The following SENP7 variants were observed in gnomAD, a reference collection of about 807,000 sequenced individuals.
SENP7 encodes the protein SUMO specific peptidase 7, also known as sentrin-specific protease 7.
SENP7 carries 64 observed loss-of-function variants against 141.2 expected under a neutral mutation model. That is an observed-to-expected ratio of 0.45 (90% CI 0.37 to 0.56). The LOEUF (loss-of-function observed/expected upper bound fraction) is 0.56. SENP7 is among the 20% of genes least tolerant of loss of function. The probability of loss-of-function intolerance (pLI) is 0.00; values close to 1 mark genes in which losing one functional copy is unlikely to be tolerated. For missense variants in SENP7, 1,025 were observed against 1,212.2 expected (o/e 0.85, Z 2.29); for synonymous variants, 382 against 426.4 (o/e 0.90, Z 1.28).
chr3:101,345,938 A>C (rs1175864248), intron 13 of SENP7, among the ~76,000 whole-genome samples: 2 of 152,240 alleles, frequency 1.3e-5, no homozygotes, highest in Non-Finnish European at 2.9e-5. Flanking sequence ...TAAACTAAAG[A>C]GCTTTTGCAT....
intron 4 of SENP7, among the ~76,000 whole-genome samples, chr3:101,438,508 C>T (rs1385609292): frequency 1.3e-5 from 2 of 151,860 alleles, no homozygotes; most frequent in Non-Finnish European, 2.9e-5. Context: ...GTTGGCTGCA[C>T]ATTATCAATT....
At chr3:101,373,275 G>C (rs2060230241) in intron 6 of SENP7, among the ~76,000 whole-genome samples, 1 of 152,064 alleles carries the variant, frequency 6.6e-6, no homozygotes, top group African/African-American at 2.4e-5. Context: ...AAGAGGTTCT[G>C]ACTGAGTCAA....
At position 101,361,687 on chromosome 3, in the gene SENP7, AAAAGAAAATT is replaced by A; in HGVS notation, c.1623+18_1623+27del. 2.6e-6 allele frequency: 4 copies of A among 1,511,398 alleles called. No homozygotes were observed. The highest frequency in any genetic ancestry group is 3.5e-6 in the Non-Finnish European group (4 of 1,137,048). The allele number at this position is 1,511,398 out of a possible 1,614,324, so 93.6% of individuals were successfully genotyped here. A position where few individuals can be genotyped will look rare whatever the true frequency, so the allele number is the denominator to read the frequency against. On this transcript the variant is annotated intron_variant, in intron 11 of 23. Coordinates refer to ENST00000394095, the MANE Select transcript of SENP7 (RefSeq NM_020654.5). ...AAATGCCTTGTCCAAGATCCAAACTAAAAGAAAATTAAAGAAAATATACTTACTGTAACAC... is the reference window on the plus strand; with the variant it reads ...AAATGCCTTGTCCAAGATCCAAACTAAAAGAAAATATACTTACTGTAACAC...
chr3:101,488,206 T>C (rs1035333654), intron 3 of SENP7, among the ~76,000 whole-genome samples: 1 of 151,986 alleles, frequency 6.6e-6, no homozygotes, highest in African/African-American at 2.4e-5. Flanking sequence ...AGGTATTTCA[T>C]TTTTTTTAAG....
intron 6 of SENP7, among the ~76,000 whole-genome samples, chr3:101,378,823 A>G (rs2060413387): frequency 6.6e-6 from 1 of 152,180 alleles, no homozygotes; most frequent in Non-Finnish European, 1.5e-5. Context: ...TAAGCCCTTA[A>G]CTATAGAAAA....
chr3:101,513,197 G>T lies in SENP7; in HGVS notation c.-67C>A. The T allele has an allele frequency of 1.3e-6, 1 of 746,160 alleles. No individual in the cohort carries two copies. The highest frequency in any genetic ancestry group is 2.2e-6 in the Non-Finnish European group (1 of 458,294). The allele number at this position is 746,160 out of a possible 1,614,324, so 46.2% of individuals were successfully genotyped here. A position where few individuals can be genotyped will look rare whatever the true frequency, so the allele number is the denominator to read the frequency against. On this transcript the variant is annotated 5_prime_UTR_variant, in exon 1 of 24. Transcript: ENST00000394095. Reference sequence around the variant, plus strand: ...TCAGGACCCCTCCGGCTTGGAGAGGGAGGGGGAGGGGAAAGGAAAAAAAAA... The same window carrying T: ...TCAGGACCCCTCCGGCTTGGAGAGGTAGGGGGAGGGGAAAGGAAAAAAAAA...
chr3:101,475,553 G>A (rs978689184), intron 3 of SENP7, among the ~76,000 whole-genome samples: 16 of 151,308 alleles, frequency 1.1e-4, no homozygotes, highest in African/African-American at 1.7e-4. Flanking sequence ...TCAGGGGGAC[G>A]AAGGGAAAAA....
intron 3 of SENP7, among the ~76,000 whole-genome samples, chr3:101,481,378 G>A (rs887760699): frequency 6.6e-6 from 1 of 152,182 alleles, no homozygotes; most frequent in African/African-American, 2.4e-5. Context: ...AGTGAAGTAA[G>A]CCAGAAACAG....
chr3:101,508,835 A>G (rs551012293), intron 1 of SENP7, among the ~76,000 whole-genome samples: 3 of 152,292 alleles, frequency 2.0e-5, no homozygotes, highest in African/African-American at 7.2e-5. Flanking sequence ...AACAGCTCCA[A>G]CTACTATAAA....
In SENP7 at chr3:101,332,004, T is replaced by TTGGGACTGCTGAGCC; in HGVS notation, c.2664_2678dup (p.Ala889_Gln893dup). On this transcript the variant is annotated inframe_insertion, in exon 19 of 24. Coordinates refer to ENST00000394095, the MANE Select transcript of SENP7 (RefSeq NM_020654.5). The stretch of plus-strand genomic sequence containing the variant: ...TGTCACCTATTGTTTTGTTGTCATT[T>TTGGGACTGCTGAGCC]TGGGACTGCTGAGCCTGGGACTGCT... 1.2e-6 allele frequency: 2 copies of TTGGGACTGCTGAGCC among 1,613,546 alleles called. No homozygotes were observed. The highest frequency in any genetic ancestry group is 4.5e-5 in the East Asian group (2 of 44,806).
At chr3:101,496,989 T>TA (rs1316846357) in intron 2 of SENP7, among the ~76,000 whole-genome samples, 4 of 152,240 alleles carry the variant, frequency 2.6e-5, no homozygotes, top group African/African-American at 4.8e-5. Context: ...GAAAAGGCAG[T>TA]AATATAAACT....
intron 6 of SENP7, among the ~76,000 whole-genome samples, chr3:101,389,922 C>T (rs965679221): frequency 3.3e-5 from 5 of 151,936 alleles, no homozygotes; most frequent in Admixed American, 6.6e-5. Context: ...ATTAAATTGC[C>T]AACTTGAAAT....
intron 8 of SENP7, 151 bp downstream of exon 8, chr3:101,367,679 G>C (rs1323757532): frequency 3.9e-6 from 2 of 513,812 alleles, no homozygotes; most frequent in Non-Finnish European, 6.7e-6. Flanking sequence ...ATTTAGAATT[G>C]TTTTTTAATA....
intron 3 of SENP7, among the ~76,000 whole-genome samples, chr3:101,466,801 T>C (rs1054995727): frequency 6.6e-6 from 1 of 152,138 alleles, no homozygotes; most frequent in African/African-American, 2.4e-5. Flanking sequence ...CATTTCCAAC[T>C]TCGGTACCTG....
Position 101,337,638 on chromosome 3 carries a change from A to C in SENP7, c.2358-7T>G, listed in dbSNP as rs771816740. On this transcript the variant is annotated splice_region_variant and splice_polypyrimidine_tract_variant and intron_variant, in intron 16 of 23. Coordinates refer to ENST00000394095, the MANE Select transcript of SENP7 (RefSeq NM_020654.5). ...CTTCTCCAATATAAGATACCTGTAAAGTAGTAACCCCACAAAAGTAAATTA... is the reference window on the plus strand; with the variant it reads ...CTTCTCCAATATAAGATACCTGTAACGTAGTAACCCCACAAAAGTAAATTA... 1.0e-5 allele frequency: 16 copies of C among 1,559,476 alleles called. No homozygotes were observed. Among genetic ancestry groups the C allele is most frequent in the Non-Finnish European group, 1.3e-5 (15 of 1,156,402 alleles).
chr3:101,476,763 T>C (rs1017350052), intron 3 of SENP7, among the ~76,000 whole-genome samples: 1 of 152,188 alleles, frequency 6.6e-6, no homozygotes. Flanking sequence ...CCAGTATCTG[T>C]TGTTTCCTGA....
intron 3 of SENP7, among the ~76,000 whole-genome samples, chr3:101,472,554 G>A (rs1411293899): frequency 6.6e-6 from 1 of 151,794 alleles, no homozygotes; most frequent in Non-Finnish European, 1.5e-5. Context: ...TAATGTAAAT[G>A]ATGAGTTGAT....
At chr3:101,490,060 T>C (rs1032890285) in intron 3 of SENP7, among the ~76,000 whole-genome samples, 1 of 151,898 alleles carries the variant, frequency 6.6e-6, no homozygotes, top group African/African-American at 2.4e-5. Flanking sequence ...GGTGCATGCC[T>C]GTAATCCCAG....
At chr3:101,377,669 A>G (rs1467334902) in intron 6 of SENP7, among the ~76,000 whole-genome samples, 1 of 152,198 alleles carries the variant, frequency 6.6e-6, no homozygotes, top group Non-Finnish European at 1.5e-5. Flanking sequence ...AGCCTAAACT[A>G]TGAGTTATTT....
Sources: allele counts gnomAD v4.1 joint callset (sites outside exome capture counted in the v4.1 genomes callset), GRCh38; gene constraint gnomAD v4.1.1; transcripts MANE v1.5; gene names NCBI Gene and HGNC (gene_info 2026-07-23, HGNC 2026-07-21).